The following SERPINA9 variants were observed in gnomAD, a reference collection of about 807,000 sequenced individuals.
SERPINA9 encodes the protein serpin family A member 9, also known as serpin A9.
Under a neutral mutation model 24.5 loss-of-function variants are expected in SERPINA9, and 32 were observed. The ratio of observed to expected loss-of-function variants is 1.30; its 90% CI spans 0.98 to 1.75. SERPINA9 has a LOEUF of 1.75. Ranked by LOEUF, SERPINA9 falls within the 40% of genes most tolerant of loss-of-function variation. The pLI is 0.00. For synonymous variants in SERPINA9, 233 were observed against 197.7 expected (o/e 1.18, Z -1.50); for missense variants, 594 against 497.1 (o/e 1.19, Z -1.85).
chr14:94,473,333 A>G (rs1420173618), intron 1 of SERPINA9, among the ~76,000 whole-genome samples: 2 of 152,218 alleles, frequency 1.3e-5, no homozygotes, highest in South Asian at 2.1e-4. Context: ...AGCCTGGCCA[A>G]CGTGGCAAAA....
Position 94,469,261 on chromosome 14 carries a change from G to C in SERPINA9, c.580C>G (p.Leu194Val). The change falls in exon 2 of 5, where the codon CTT (leucine) becomes GTT (valine). Residue 194 changes from leucine to valine, a missense_variant. Coordinates refer to ENST00000674397, the MANE Select transcript of SERPINA9 (RefSeq NM_175739.4). ...QGKVVDIIQG[L>V]DLLTAMVLVN... is the part of the protein sequence containing the mutation. ...AGAACCATGGCCGTCAGAAGGTCAA[G>C]GCCTTGGATTATGTCTACAACCTTC... The C allele has an allele frequency of 6.2e-7, 1 of 1,614,032 alleles. No individual in the cohort carries two copies. The highest frequency in any genetic ancestry group is 1.1e-5 in the South Asian group (1 of 91,084).
At chr14:94,465,834 TATG>T (rs1320763876) in intron 3 of SERPINA9, among the ~76,000 whole-genome samples, 1 of 152,200 alleles carries the variant, frequency 6.6e-6, no homozygotes, top group African/African-American at 2.4e-5. Flanking sequence ...ACATTTATTA[TATG>T]CCAGACATTG....
chr14:94,463,421 T>G (rs1470753249), intron 4 of SERPINA9, 125 bp from the exon 5 acceptor site: 2 of 784,092 alleles, frequency 2.6e-6, no homozygotes, highest in Non-Finnish European at 4.2e-6. Context: ...AAGGTTCAAA[T>G]GCCTGGCATT....
chr14:94,470,740 CT>C (rs1899275045), intron 1 of SERPINA9, among the ~76,000 whole-genome samples: 1 of 152,224 alleles, frequency 6.6e-6, no homozygotes. Context: ...GAATACATTA[CT>C]TTTACTGTTG....
intron 1 of SERPINA9, among the ~76,000 whole-genome samples, chr14:94,475,215 A>G (rs2139826659): frequency 1.3e-5 from 2 of 152,302 alleles, no homozygotes; most frequent in East Asian, 1.9e-4. Context: ...TGCTGCTGGA[A>G]GAGGGGTTCT....
rs568708482 is a variant in SERPINA9 at position 94,463,670 on chromosome 14, G to C, written c.1051-374C>G. Among the ~76,000 whole-genome samples, 7 of 152,344 alleles carry C rather than the reference G, an allele frequency of 4.6e-5. No individual in the cohort carries two copies. In the East Asian group the frequency reaches 1.3e-3, roughly 29 times the overall value. ...TTAAGAGAGATCATACAAAGCAAGT[G>C]CTTGTGGACTTGCCAGCAGTAGTAA... On this transcript the variant is annotated intron_variant, in intron 4 of 4. Coordinates refer to ENST00000674397, the MANE Select transcript of SERPINA9 (RefSeq NM_175739.4).
In SERPINA9 at chr14:94,467,203, A is replaced by G. The variant is rs775515416; in HGVS notation, c.808T>C (p.Phe270Leu). 2.5e-6 allele frequency: 4 copies of G among 1,614,140 alleles called. No individual in the cohort carries two copies. The African/African-American group carries it at 5.3e-5, about 22-fold the overall frequency. The part of the protein sequence containing the change: ...QMDYKGDAVA[F>L]FVLPSKGKMR... ...TTGCCCTTGCTAGGGAGGACAAAGAAGGCCACGGCATCTCCCTTGTAATCC... is the reference window on the plus strand; with the variant it reads ...TTGCCCTTGCTAGGGAGGACAAAGAGGGCCACGGCATCTCCCTTGTAATCC... The change falls in exon 3 of 5, where the codon TTC becomes CTC. Residue 270 changes from phenylalanine to leucine, a missense_variant. Phe to Leu is a conservative substitution (Grantham distance 22). Coordinates refer to ENST00000674397, the MANE Select transcript of SERPINA9 (RefSeq NM_175739.4).
At chr14:94,463,861 T>C (rs1898859399) in intron 4 of SERPINA9, among the ~76,000 whole-genome samples, 1 of 152,184 alleles carries the variant, frequency 6.6e-6, no homozygotes. Context: ...GGCTCACAGA[T>C]ACACTTTCCT....
rs1033413704 is a variant in SERPINA9 at position 94,467,518 on chromosome 14, C to T, written c.629-136G>A. On this transcript the variant is annotated intron_variant, in intron 2 of 4. Transcript: ENST00000674397. ...GTGACAAAAAAATGCTCTGATATTA[C>T]ACAGCGGAGTAGTTGCCCAAACTTG... is the stretch of plus-strand genomic sequence containing the variant. The T allele has an allele frequency of 4.0e-6, 3 of 749,946 alleles. No homozygotes were observed. In the African/African-American group the frequency reaches 5.2e-5, roughly 13 times the overall value. The allele number at this position is 749,946 out of a possible 1,614,324, so 46.5% of individuals were successfully genotyped here. A position where few individuals can be genotyped will look rare whatever the true frequency, so the allele number is the denominator to read the frequency against.
intron 1 of SERPINA9, among the ~76,000 whole-genome samples, chr14:94,473,709 A>G (rs1899438431): frequency 1.3e-5 from 2 of 152,030 alleles, no homozygotes; most frequent in South Asian, 4.1e-4. Context: ...GCTGGGGTCT[A>G]CTGTGTTAAC....
At position 94,463,090 on chromosome 14, in the gene SERPINA9, C is replaced by G; in HGVS notation, c.*3G>C. On this transcript the variant is annotated 3_prime_UTR_variant, in exon 5 of 5. Coordinates refer to ENST00000674397, the MANE Select transcript of SERPINA9 (RefSeq NM_175739.4). ...TGCCATCAGTTAACAGGCCATTTCC[C>G]ACCTAGGATTTAGTGGGATTTTCCA... 1 of 1,610,978 alleles carries G rather than the reference C, an allele frequency of 6.2e-7. No individual in the cohort carries two copies. Among genetic ancestry groups the G allele is most frequent in the Non-Finnish European group, 8.5e-7 (1 of 1,177,098 alleles).
chr14:94,475,619 G>A (rs938819414), intron 1 of SERPINA9, among the ~76,000 whole-genome samples: 2 of 152,182 alleles, frequency 1.3e-5, no homozygotes, highest in Admixed American at 6.5e-5. Context: ...ATAAAGCAGA[G>A]GATCGGCCCT....
At chr14:94,475,983 A>C (rs146449339) in intron 1 of SERPINA9, 153 bp downstream of exon 1, 4 of 1,129,916 alleles carry the variant, frequency 3.5e-6, no homozygotes, top group African/African-American at 3.1e-5. Context: ...AATGTGACCC[A>C]GATGCTACTA....
In SERPINA9 at chr14:94,463,149, T is replaced by C; in HGVS notation, c.1198A>G (p.Lys400Glu). The C allele has an allele frequency of 1.2e-6, 2 of 1,614,236 alleles. No individual in the cohort carries two copies. The highest frequency in any genetic ancestry group is 2.2e-5 in the South Asian group (2 of 91,086). The change falls in exon 5 of 5, where the codon AAA (lysine) becomes GAA (glutamate). Residue 400 changes from lysine to glutamate, a missense_variant. By Grantham distance (56) the Lys-to-Glu change is moderately conservative. Coordinates refer to ENST00000674397, the MANE Select transcript of SERPINA9 (RefSeq NM_175739.4). The part of the protein sequence containing the change: ...NRTFLMMITN[K>E]ATDGILFLGK... ...AGAAAGAGAATACCGTCTGTGGCTT[T>C]ATTTGTAATCATCATCAGGAAGGTC...
chr14:94,467,871 G>A (rs1043210548), intron 2 of SERPINA9, among the ~76,000 whole-genome samples: 2 of 151,608 alleles, frequency 1.3e-5, no homozygotes, highest in African/African-American at 4.8e-5. Context: ...GTGGATAGGT[G>A]GTTGGCTAGC....
In SERPINA9 at chr14:94,467,310, G is replaced by C; in HGVS notation, c.701C>G (p.Thr234Ser). The change falls in exon 3 of 5, where the codon ACT becomes AGT. Residue 234 changes from threonine (T) to serine (S), a missense_variant. Coordinates refer to ENST00000674397, the MANE Select transcript of SERPINA9 (RefSeq NM_175739.4). ...CTGGTGCATCATGGGGACATGCACA[G>C]TGACCTGCTCGCCCACCAGGAATGG... ...NFPFLVGEQV[T>S]VHVPMMHQKE... is the part of the protein sequence containing the mutation. 1 of 1,614,076 alleles carries C rather than the reference G, an allele frequency of 6.2e-7. No homozygotes were observed. Among genetic ancestry groups the C allele is most frequent in the East Asian group, 2.2e-5 (1 of 44,868 alleles).
At chr14:94,475,348 C>G (rs1899541363) in intron 1 of SERPINA9, among the ~76,000 whole-genome samples, 1 of 152,238 alleles carries the variant, frequency 6.6e-6, no homozygotes, top group African/African-American at 2.4e-5. Flanking sequence ...TGTCCTTAAC[C>G]TTTTTATTCC....
intron 3 of SERPINA9, among the ~76,000 whole-genome samples, chr14:94,465,520 C>T (rs998425151): frequency 3.5e-5 from 5 of 144,630 alleles, no homozygotes; most frequent in African/African-American, 1.3e-4. Context: ...AGTAAACAGC[C>T]CACATGTGTT....
At chr14:94,465,857 C>T (rs1031234474) in intron 3 of SERPINA9, among the ~76,000 whole-genome samples, 8 of 152,190 alleles carry the variant, frequency 5.3e-5, no homozygotes, top group Non-Finnish European at 1.0e-4. Context: ...GTCCCAGGCA[C>T]ATTCAACAAC....
Sources: allele counts gnomAD v4.1 joint callset (sites outside exome capture counted in the v4.1 genomes callset), GRCh38; gene constraint gnomAD v4.1.1; transcripts MANE v1.5; gene names NCBI Gene and HGNC (gene_info 2026-07-23, HGNC 2026-07-21).